Variants in FAAH2 observed in about 807,000 individuals in gnomAD.
The protein encoded by FAAH2 is fatty acid amide hydrolase 2, also known as fatty-acid amide hydrolase 2.
A neutral mutation model predicts 36.9 loss-of-function variants in FAAH2; 60 were observed. The observed-to-expected ratio is 1.63, with a 90% confidence interval of 1.32 to 2.02. The LOEUF (loss-of-function observed/expected upper bound fraction) is 2.02. Among genes scored for constraint, FAAH2 ranks in the 30% most tolerant of loss-of-function variants. FAAH2 has a pLI of 0.00. For synonymous variants in FAAH2, 214 were observed against 143.8 expected (o/e 1.49, Z -3.49); for missense variants, 689 against 397.5 (o/e 1.73, Z -6.23).
intron 8 of FAAH2, among the ~76,000 whole-genome samples, chrX:57,434,225 G>C (rs182276082): frequency 1.2e-4 from 13 of 107,629 alleles, no homozygotes; most frequent in Non-Finnish European, 3.8e-5. Context: ...ACAAGCACAC[G>C]CCACAACACT....
intron 7 of FAAH2, among the ~76,000 whole-genome samples, chrX:57,424,514 C>A (rs888030846): frequency 4.5e-5 from 5 of 111,921 alleles, no homozygotes; most frequent in African/African-American, 1.6e-4. Context: ...CCCAGATAAA[C>A]TTCCCAAGAC....
At chrX:57,421,077 C>A (rs1316652422) in intron 7 of FAAH2, among the ~76,000 whole-genome samples, 2 of 112,151 alleles carry the variant, frequency 1.8e-5, no homozygotes, top group Non-Finnish European at 3.8e-5. Flanking sequence ...TGGTAATCAA[C>A]ATTCTATTCA....
At chrX:57,257,300 T>A in the FAAH2 span, among the ~76,000 whole-genome samples, 2 of 112,209 alleles carry the variant, frequency 1.8e-5, no homozygotes, top group African/African-American at 6.5e-5. Flanking sequence ...CCCAAATATT[T>A]ATCAGTGATA....
chrX:57,474,924 T>C (rs1211665538), intron 10 of FAAH2, among the ~76,000 whole-genome samples: 1 of 111,955 alleles, frequency 8.9e-6, no homozygotes, highest in East Asian at 2.8e-4. Context: ...ATTGTGGTTT[T>C]GATTTGTGTT....
At chrX:57,446,796 T>G (rs1389001142) in intron 8 of FAAH2, 132 bp from the exon 9 acceptor site, 1 of 425,078 alleles carries the variant, frequency 2.4e-6, no homozygotes, top group Non-Finnish European at 4.1e-6. Flanking sequence ...TAAATTTTAT[T>G]TATGTATTCA....
intron 2 of FAAH2, among the ~76,000 whole-genome samples, chrX:57,294,992 G>T (rs1277885512): frequency 8.9e-6 from 1 of 112,267 alleles, no homozygotes; most frequent in Non-Finnish European, 1.9e-5. Flanking sequence ...ACAGCAAACT[G>T]AGGGAACACC....
the FAAH2 span, among the ~76,000 whole-genome samples, chrX:57,202,824 T>C: frequency 8.9e-6 from 1 of 111,884 alleles, no homozygotes; most frequent in African/African-American, 3.3e-5. Context: ...TTTATTGTAC[T>C]GTGGCTGGGC....
intron 4 of FAAH2, among the ~76,000 whole-genome samples, chrX:57,332,459 T>C (rs1442422176): frequency 2.7e-5 from 3 of 112,139 alleles, no homozygotes; most frequent in Admixed American, 1.9e-4. Flanking sequence ...TTTATCAATA[T>C]GCTGAGGTAA....
At chrX:57,360,440 C>T (rs2054260781) in intron 5 of FAAH2, among the ~76,000 whole-genome samples, 2 of 109,463 alleles carry the variant, frequency 1.8e-5, no homozygotes, top group South Asian at 7.7e-4. Flanking sequence ...ATTTGTTCTG[C>T]TTGATCTAGT....
chrX:57,122,567 A>C, the FAAH2 span, among the ~76,000 whole-genome samples: 1 of 112,570 alleles, frequency 8.9e-6, no homozygotes, highest in African/African-American at 3.2e-5. Context: ...TGTTGAAATA[A>C]TTATTTAAAT....
chrX:57,436,975 C>T (rs944475742), intron 8 of FAAH2, among the ~76,000 whole-genome samples: 3 of 110,772 alleles, frequency 2.7e-5, no homozygotes, highest in Non-Finnish European at 5.7e-5. Flanking sequence ...AGATGCAAAA[C>T]TCCTCAGCAA....
chrX:57,198,865 C>A, the FAAH2 span, among the ~76,000 whole-genome samples: 1 of 112,155 alleles, frequency 8.9e-6, no homozygotes, highest in East Asian at 2.8e-4. Context: ...CTTTCTTAAT[C>A]TGGATTTTCA....
chrX:57,193,498 C>A, the FAAH2 span, among the ~76,000 whole-genome samples: 2 of 111,644 alleles, frequency 1.8e-5, no homozygotes, highest in Non-Finnish European at 3.8e-5. Context: ...ATCTCTGTGA[C>A]CCACACCCTA....
chrX:57,160,388 T>G, the FAAH2 span, among the ~76,000 whole-genome samples: 1 of 112,212 alleles, frequency 8.9e-6, no homozygotes, highest in Admixed American at 9.4e-5. Context: ...TCTTTTTCTA[T>G]TGATTGGAAT....
chrX:57,447,073 A>G, intron 9 of FAAH2, 34 bp downstream of exon 9: 1 of 1,006,405 alleles, frequency 9.9e-7, no homozygotes, highest in East Asian at 3.2e-5. Context: ...GACCAGTTTG[A>G]TGTCCTGTAA....
the FAAH2 span, among the ~76,000 whole-genome samples, chrX:57,209,969 G>A: frequency 2.1e-4 from 23 of 109,445 alleles, no homozygotes; most frequent in Admixed American, 2.2e-3. Context: ...GTTATAACAA[G>A]ACCTCAAAAT....
intron 3 of FAAH2, among the ~76,000 whole-genome samples, chrX:57,318,712 CA>C (rs2052921121): frequency 9.0e-6 from 1 of 111,068 alleles, no homozygotes; most frequent in African/African-American, 3.3e-5. Context: ...GGCAGAGACA[CA>C]ACAAAAAAAG....
the FAAH2 span, among the ~76,000 whole-genome samples, chrX:57,253,822 C>T: frequency 9.0e-6 from 1 of 111,400 alleles, no homozygotes; most frequent in African/African-American, 3.3e-5. Flanking sequence ...TAAAAACATG[C>T]CAAATTGTAA....
rs748658165 is a variant in FAAH2, at chrX:57,488,815, A to AG, written c.1484dup (p.Leu496ThrfsTer13). On this transcript the variant is annotated frameshift_variant, in exon 11 of 11. Transcript: ENST00000374900. LOFTEE classifies it high-confidence loss of function. ...AATGCCCACTGGGACTGAATGCCAA[A>AG]GGACTCCCTTTAGGCATCCAGGTTG... 8.3e-7 allele frequency: 1 copy of AG among 1,211,497 alleles called. No homozygotes were observed. Among genetic ancestry groups the AG allele is most frequent in the Non-Finnish European group, 1.1e-6 (1 of 895,417 alleles).
Sources: gnomAD v4.1 joint callset for allele counts (sites outside exome capture counted in the v4.1 genomes callset) on GRCh38, gnomAD v4.1.1 for gene constraint, MANE v1.5 for transcripts, NCBI Gene and HGNC (gene_info 2026-07-23, HGNC 2026-07-21) for gene names.